Variants in PTPRN2 observed in about 807,000 individuals in gnomAD.
PTPRN2 encodes receptor-type tyrosine-protein phosphatase N2.
Under a neutral mutation model 118.8 loss-of-function variants are expected in PTPRN2, and 74 were observed. That is an observed-to-expected ratio of 0.62 (90% CI 0.52 to 0.76). The LOEUF (loss-of-function observed/expected upper bound fraction) is 0.76, where lower values mean the gene tolerates loss of function less well. Among genes scored for constraint, PTPRN2 ranks in the 30% least tolerant of loss-of-function variants. The pLI is 0.00. For missense variants in PTPRN2, 1,481 were observed against 1,394.4 expected (o/e 1.06, Z -0.99); for synonymous variants, 641 against 608.0 (o/e 1.05, Z -0.80).
chr7:158,332,676 C>T (rs1304769861), intron 2 of PTPRN2, among the ~76,000 whole-genome samples: 3 of 147,538 alleles, frequency 2.0e-5, no homozygotes, highest in Non-Finnish European at 4.4e-5. Context: ...ATCACTCACA[C>T]CCACACTCTA....
intron 2 of PTPRN2, among the ~76,000 whole-genome samples, chr7:158,469,510 G>A (rs540314824): frequency 6.6e-6 from 1 of 152,162 alleles, no homozygotes; most frequent in African/African-American, 2.4e-5. Flanking sequence ...TAAAGTGTGG[G>A]TCTAGTTCTT....
chr7:158,319,398 CCACACA>C (rs5888747), intron 2 of PTPRN2, among the ~76,000 whole-genome samples: 2 of 118,836 alleles, frequency 1.7e-5, no homozygotes, highest in Non-Finnish European at 3.4e-5. Context: ...ACACAGCCTC[CCACACA>C]CACACACAGC....
At chr7:158,016,145 G>A (rs1806439561) in intron 11 of PTPRN2, among the ~76,000 whole-genome samples, 1 of 152,186 alleles carries the variant, frequency 6.6e-6, no homozygotes, top group Non-Finnish European at 1.5e-5. Context: ...GAGAAAAAAC[G>A]ATGCTTCCGA....
At chr7:157,916,265 C>T (rs1585011101) in intron 11 of PTPRN2, among the ~76,000 whole-genome samples, 2 of 152,322 alleles carry the variant, frequency 1.3e-5, no homozygotes, top group Admixed American at 1.3e-4. Flanking sequence ...AGTGCTGGGT[C>T]AGAGGGTCTC....
chr7:158,189,592 C>T (rs1825599906), intron 5 of PTPRN2, among the ~76,000 whole-genome samples: 1 of 152,244 alleles, frequency 6.6e-6, no homozygotes, highest in Admixed American at 6.5e-5. Flanking sequence ...AACTGCTTCA[C>T]AGAAAAGTGT....
chr7:158,530,943 T>C (rs1825180595), intron 1 of PTPRN2, among the ~76,000 whole-genome samples: 1 of 151,980 alleles, frequency 6.6e-6, no homozygotes, highest in Non-Finnish European at 1.5e-5. Flanking sequence ...CATACACGTG[T>C]GTGTGTGTAA....
chr7:158,503,522 G>A (rs1822525805), intron 1 of PTPRN2, among the ~76,000 whole-genome samples: 1 of 152,212 alleles, frequency 6.6e-6, no homozygotes, highest in African/African-American at 2.4e-5. Flanking sequence ...TCCGTTCATT[G>A]CACATCTCTG....
chr7:158,486,380 C>T (rs1821023391), intron 2 of PTPRN2, among the ~76,000 whole-genome samples: 3 of 152,220 alleles, frequency 2.0e-5, no homozygotes, highest in Middle Eastern at 3.2e-3. Flanking sequence ...ATGTTTAGGA[C>T]ATACCACCTG....
intron 3 of PTPRN2, among the ~76,000 whole-genome samples, chr7:158,249,584 C>T (rs995602398): frequency 2.2e-4 from 33 of 152,020 alleles, no homozygotes; most frequent in Admixed American, 1.8e-3. Context: ...TGCATGCACA[C>T]GCATCACACA....
chr7:157,780,828 G>T lies in PTPRN2; in HGVS notation c.1789-97891C>A, dbSNP rs1038417129. Among the ~76,000 whole-genome samples, 1 of 152,126 alleles carries T rather than the reference G, an allele frequency of 6.6e-6. No individual in the cohort carries two copies. The highest frequency in any genetic ancestry group is 6.5e-5 in the Admixed American group (1 of 15,282). On this transcript the variant is annotated intron_variant, in intron 12 of 22. Transcript: ENST00000389418. This position sits in a 1 kb window ranked among gnomAD's most constrained non-coding sequence, Gnocchi z 4.5. ...TTCTCTGCCTCATCCGTGATGAGCT[G>T]CCCCGCGGGTCCCCACAGATCAATC... is the stretch of plus-strand genomic sequence containing the variant.
At chr7:158,089,629 A>T (rs868594636) in intron 10 of PTPRN2, among the ~76,000 whole-genome samples, 877 of 100,656 alleles carry the variant, frequency 8.7e-3, no homozygotes, top group South Asian at 0.015. Flanking sequence ...GGGAGTCTTC[A>T]CACAAACCTT....
intron 5 of PTPRN2, among the ~76,000 whole-genome samples, chr7:158,181,870 T>C (rs1399832618): frequency 6.6e-6 from 1 of 152,218 alleles, no homozygotes; most frequent in Non-Finnish European, 1.5e-5. Context: ...AAAAACCAAT[T>C]TTTTGTTTCA....
At chr7:157,802,248 A>G (rs1805358756) in intron 12 of PTPRN2, among the ~76,000 whole-genome samples, 1 of 152,084 alleles carries the variant, frequency 6.6e-6, no homozygotes, top group Non-Finnish European at 1.5e-5. Flanking sequence ...TGCTTCCCCC[A>G]GCGCCAGACC....
At chr7:158,578,572 T>C (rs949516302) in intron 1 of PTPRN2, among the ~76,000 whole-genome samples, 5 of 144,496 alleles carry the variant, frequency 3.5e-5, no homozygotes, top group African/African-American at 1.3e-4. Flanking sequence ...AAAGAGTACA[T>C]GTATACGCAG....
chr7:158,115,094 G>A (rs1253358321), intron 9 of PTPRN2, among the ~76,000 whole-genome samples: 1 of 152,116 alleles, frequency 6.6e-6, no homozygotes, highest in African/African-American at 2.4e-5. Context: ...TGGAGTCCAG[G>A]AGCTCAAGGC....
chr7:158,194,236 A>C (rs1484768236), intron 4 of PTPRN2, among the ~76,000 whole-genome samples: 2 of 152,232 alleles, frequency 1.3e-5, no homozygotes, highest in African/African-American at 4.8e-5. Flanking sequence ...CTTCTAATAA[A>C]ATGCAAAGAT....
chr7:158,193,839 G>A (rs1825978352), intron 4 of PTPRN2, among the ~76,000 whole-genome samples: 1 of 149,068 alleles, frequency 6.7e-6, no homozygotes, highest in East Asian at 2.0e-4. Context: ...GCCTCTACCA[G>A]CCAGGTTTAA....
rs116044127 is a variant in PTPRN2 at position 158,091,123 on chromosome 7, G to A, written c.1644-9746C>T. 7.1e-3 allele frequency among the ~76,000 whole-genome samples: 1,074 copies of A among 152,278 alleles called. 14 individuals are homozygous for A. The highest frequency in any genetic ancestry group is 0.017 in the African/African-American group (719 of 41,564). On this transcript the variant is annotated intron_variant, in intron 10 of 22. Transcript: ENST00000389418. ...TCTGTATAGTAACGACTATACAGTC[G>A]ATACATAACACAGGCTTATTTGTAT...
intron 9 of PTPRN2, among the ~76,000 whole-genome samples, chr7:158,131,795 C>T (rs1016949532): frequency 3.3e-5 from 5 of 151,492 alleles, no homozygotes; most frequent in Non-Finnish European, 7.4e-5. Context: ...GACATACACA[C>T]TCATACACAC....
Sources: allele counts gnomAD v4.1 joint callset (sites outside exome capture counted in the v4.1 genomes callset), GRCh38; gene constraint gnomAD v4.1.1; non-coding constraint Gnocchi (gnomAD v3.1); transcripts MANE v1.5; gene names NCBI Gene and HGNC (gene_info 2026-07-23, HGNC 2026-07-21).